MSRB3: variants seen among roughly 807,000 people sequenced by gnomAD.
MSRB3 encodes methionine sulfoxide reductase B3.
In MSRB3, 13 loss-of-function variants were observed where a neutral mutation model predicts 21.0. The ratio of observed to expected loss-of-function variants is 0.62; its 90% CI spans 0.40 to 0.98. MSRB3 has a LOEUF of 0.98. Among genes scored for constraint, MSRB3 ranks in the 50% least tolerant of loss-of-function variants. The pLI is 0.00. For synonymous variants in MSRB3, 87 were observed against 88.6 expected (o/e 0.98, Z 0.10); for missense variants, 199 against 230.3 (o/e 0.86, Z 0.88).
rs534159870 is a variant in MSRB3 at position 65,336,502 on chromosome 12, G to A, written c.263+7899G>A. Among the ~76,000 whole-genome samples the A allele has an allele frequency of 9.2e-5, 14 of 152,240 alleles. No homozygotes were observed. In the South Asian group the frequency reaches 2.1e-3, roughly 23 times the overall value. Reference sequence around the variant, plus strand: ...GGAAAGAACAATCTTGCCTTGCCTCGTATTACCTAAATAACAATCTTAGTT... The same window carrying A: ...GGAAAGAACAATCTTGCCTTGCCTCATATTACCTAAATAACAATCTTAGTT... On this transcript the variant is annotated intron_variant, in intron 4 of 6. Transcript: ENST00000308259.
rs576796739 is a variant in MSRB3 at position 65,366,370 on chromosome 12, G to A, written c.264-2628G>A. ...GAAGGGGCCCATGTAGGTCAGAGTA[G>A]CAACTTAAGGCCATTTGGGTAGAGA... On this transcript the variant is annotated intron_variant, in intron 4 of 6. Coordinates refer to ENST00000308259, the MANE Select transcript of MSRB3 (RefSeq NM_001031679.3). Among the ~76,000 whole-genome samples the A allele has an allele frequency of 1.2e-4, 18 of 152,272 alleles. No homozygotes were observed. In the South Asian group the frequency reaches 3.7e-3, roughly 32 times the overall value.
intron 4 of MSRB3, among the ~76,000 whole-genome samples, chr12:65,361,704 A>C (rs1182792658): frequency 6.6e-6 from 1 of 152,104 alleles, no homozygotes; most frequent in Non-Finnish European, 1.5e-5. Flanking sequence ...TAATTTAGTG[A>C]TATATCTTAA....
At chr12:65,412,560 C>A (rs992600834) in intron 5 of MSRB3, among the ~76,000 whole-genome samples, 1 of 151,932 alleles carries the variant, frequency 6.6e-6, no homozygotes, top group Non-Finnish European at 1.5e-5. Flanking sequence ...ATCATTGTAC[C>A]CCCTGGATAA....
chr12:65,363,652 G>C (rs1877835301), intron 4 of MSRB3, among the ~76,000 whole-genome samples: 1 of 151,942 alleles, frequency 6.6e-6, no homozygotes, highest in Non-Finnish European at 1.5e-5. Context: ...AGGCTCAACT[G>C]TTCTGACAAG....
At chr12:65,434,228 C>T (rs538606323) in intron 5 of MSRB3, among the ~76,000 whole-genome samples, 132 of 152,000 alleles carry the variant, frequency 8.7e-4, no homozygotes, top group South Asian at 1.7e-3. Context: ...CTTGACTCAA[C>T]CCCCTAATTT....
intron 5 of MSRB3, 44 bp from the exon 6 acceptor site, chr12:65,453,684 T>C (rs1182346458): frequency 7.2e-7 from 1 of 1,391,802 alleles, no homozygotes; most frequent in Non-Finnish European, 1.0e-6. Flanking sequence ...CAAGGCTGTG[T>C]ATCTCTCCTC....
chr12:65,306,575 G>T (rs1225781184), intron 1 of MSRB3, among the ~76,000 whole-genome samples: 1 of 152,190 alleles, frequency 6.6e-6, no homozygotes, highest in South Asian at 2.1e-4. Context: ...AGAACAGTGT[G>T]ACAAATTGTG....
At chr12:65,299,391 G>T (rs1873176607) in intron 1 of MSRB3, among the ~76,000 whole-genome samples, 1 of 152,182 alleles carries the variant, frequency 6.6e-6, no homozygotes, top group African/African-American at 2.4e-5. Context: ...CTCATGACCT[G>T]TTAGGTTTGT....
Position 65,369,028 on chromosome 12 carries a change from T to A in MSRB3, c.292+2T>A. 6.4e-7 allele frequency: 1 copy of A among 1,552,998 alleles called. No individual in the cohort carries two copies. The highest frequency in any genetic ancestry group is 8.8e-7 in the Non-Finnish European group (1 of 1,133,776). ...AAACCAAATTTGACTCCGGTTCAGGTATGTTTACATTAATAATGCTCTTCT... is the reference window on the plus strand; with the variant it reads ...AAACCAAATTTGACTCCGGTTCAGGAATGTTTACATTAATAATGCTCTTCT... On this transcript the variant is annotated splice_donor_variant, in intron 5 of 6. Transcript: ENST00000308259. LOFTEE classifies it high-confidence loss of function.
intron 5 of MSRB3, among the ~76,000 whole-genome samples, chr12:65,447,874 C>A (rs1158737389): frequency 6.6e-6 from 1 of 152,050 alleles, no homozygotes; most frequent in Non-Finnish European, 1.5e-5. Flanking sequence ...ATTAAAAACT[C>A]AAAAAGTAAA....
At chr12:65,318,195 G>T (rs1251669212) in intron 2 of MSRB3, among the ~76,000 whole-genome samples, 1 of 151,866 alleles carries the variant, frequency 6.6e-6, no homozygotes. Flanking sequence ...TATGCCTTTT[G>T]CTTAATTAAT....
At chr12:65,420,123 T>C (rs1455536942) in intron 5 of MSRB3, 3 of 397,164 alleles carry the variant, frequency 7.6e-6, no homozygotes, top group South Asian at 4.3e-5. Flanking sequence ...TTCTTCTGAA[T>C]GTGGATATCT....
intron 1 of MSRB3, chr12:65,284,246 T>C (rs1471455452): frequency 2.0e-5 from 3 of 152,234 alleles, no homozygotes; most frequent in Non-Finnish European, 4.4e-5. Flanking sequence ...TTATAGGTTA[T>C]ATAATCCAAT....
intron 4 of MSRB3, among the ~76,000 whole-genome samples, chr12:65,358,308 A>AG (rs1467534843): frequency 5.3e-5 from 8 of 151,700 alleles, no homozygotes; most frequent in Non-Finnish European, 8.8e-5. Context: ...TTTATAGAGA[A>AG]GGGGGTCTCG....
In MSRB3 at chr12:65,278,746, G is replaced by T; in HGVS notation, c.-171G>T. The T allele has an allele frequency of 6.4e-7, 1 of 1,570,276 alleles. No homozygotes were observed. Among genetic ancestry groups the T allele is most frequent in the East Asian group, 2.3e-5 (1 of 42,722 alleles). ...AGGGAGGGAGCGAGGTTCGGACACC[G>T]GCGGCGGCTGCCTGGCCTTTCCATG... On this transcript the variant is annotated 5_prime_UTR_variant, in exon 1 of 7. Coordinates refer to ENST00000308259, the MANE Select transcript of MSRB3 (RefSeq NM_001031679.3).
intron 5 of MSRB3, among the ~76,000 whole-genome samples, chr12:65,445,613 T>C (rs1048095695): frequency 6.6e-6 from 1 of 151,522 alleles, no homozygotes; most frequent in Non-Finnish European, 1.5e-5. Context: ...TTCATGTATA[T>C]TGTAAATTCC....
At chr12:65,462,201 A>C (rs1325834628) in intron 6 of MSRB3, among the ~76,000 whole-genome samples, 2 of 152,180 alleles carry the variant, frequency 1.3e-5, no homozygotes, top group African/African-American at 2.4e-5. Context: ...GCCTGCTTGA[A>C]TATGGTGCAC....
chr12:65,369,041 A>G lies in MSRB3; in HGVS notation c.292+15A>G. The G allele has an allele frequency of 6.5e-7, 1 of 1,540,774 alleles. No homozygotes were observed. Among genetic ancestry groups the G allele is most frequent in the Non-Finnish European group, 9.0e-7 (1 of 1,116,796 alleles). On this transcript the variant is annotated intron_variant, in intron 5 of 6. Transcript: ENST00000308259. ...CTCCGGTTCAGGTATGTTTACATTA[A>G]TAATGCTCTTCTGAATATATTTTAT... is the stretch of plus-strand genomic sequence containing the variant.
intron 4 of MSRB3, 38 bp downstream of exon 4, chr12:65,328,641 T>C (rs1875214094): frequency 7.5e-7 from 1 of 1,330,278 alleles, no homozygotes; most frequent in Admixed American, 1.7e-5. Context: ...GGCTGTATCA[T>C]AGATGGCAGC....
Sources: gnomAD v4.1 joint callset for allele counts (sites outside exome capture counted in the v4.1 genomes callset) on GRCh38, gnomAD v4.1.1 for gene constraint, MANE v1.5 for transcripts, NCBI Gene and HGNC (gene_info 2026-07-23, HGNC 2026-07-21) for gene names.